The following EPHA3 variants were observed in gnomAD, a reference collection of about 807,000 sequenced individuals.
EPHA3 encodes ephrin type-A receptor 3.
A neutral mutation model predicts 107.1 loss-of-function variants in EPHA3; 42 were observed. The ratio of observed to expected loss-of-function variants is 0.39; its 90% CI spans 0.31 to 0.51. The LOEUF is 0.51. EPHA3 is among the 20% of genes least tolerant of loss of function. EPHA3 has a pLI of 0.78. For synonymous variants in EPHA3, 461 were observed against 424.8 expected (o/e 1.09, Z -1.05); for missense variants, 1,183 against 1,211.2 (o/e 0.98, Z 0.35).
chr3:89,107,716 T>TA lies in EPHA3; in HGVS notation c.-32dup, dbSNP rs746649435. ...ACATCAGTGGCATGCTTCATGGAGA[T>TA]ATGCTCCTCTCACTGCCCTCTGCAC... On this transcript the variant is annotated 5_prime_UTR_variant, in exon 1 of 17. The change creates a new upstream start codon in the 5' untranslated region. Coordinates refer to ENST00000336596, the MANE Select transcript of EPHA3 (RefSeq NM_005233.6). The TA allele has an allele frequency of 3.2e-6, 5 of 1,586,660 alleles. No homozygotes were observed. In the East Asian group the frequency reaches 1.1e-4, roughly 35 times the overall value.
rs141613520 is a variant in EPHA3, at chr3:89,210,051, T to G, written c.345T>G (p.Thr115=). 4.3e-6 allele frequency: 7 copies of G among 1,614,012 alleles called. No homozygotes were observed. In the East Asian group the frequency reaches 1.6e-4, roughly 36 times the overall value. ...ATAGCATTCCATTGGTTTTAGGAAC[T>G]TGCAAGGAGACATTCAACCTGTACT... ...DCNSIPLVLG[T]CKETFNLYYM... is the part of the protein sequence containing the mutation. The change falls in exon 3 of 17, where the codon ACT becomes ACG. Residue 115 remains threonine, a synonymous_variant. Transcript: ENST00000336596.
At chr3:89,366,243 C>G (rs1160359647) in intron 5 of EPHA3, among the ~76,000 whole-genome samples, 2 of 150,554 alleles carry the variant, frequency 1.3e-5, no homozygotes, top group African/African-American at 2.4e-5. Context: ...CCAGAACCAA[C>G]TCAGCATCAA....
intron 5 of EPHA3, among the ~76,000 whole-genome samples, chr3:89,355,368 G>A (rs1393767809): frequency 6.6e-6 from 1 of 151,198 alleles, no homozygotes; most frequent in Non-Finnish European, 1.5e-5. Flanking sequence ...CTAAGTTAAT[G>A]CACATTGTAT....
intron 2 of EPHA3, among the ~76,000 whole-genome samples, chr3:89,179,962 A>G (rs1340433352): frequency 6.6e-6 from 1 of 151,942 alleles, no homozygotes; most frequent in Admixed American, 6.6e-5. Flanking sequence ...TTAGAGGCTA[A>G]GTAATTTAAA....
At chr3:89,231,154 T>C (rs578238577) in intron 3 of EPHA3, among the ~76,000 whole-genome samples, 1 of 152,282 alleles carries the variant, frequency 6.6e-6, no homozygotes, top group East Asian at 1.9e-4. Flanking sequence ...GATAAGTTTA[T>C]TGACACAATT....
chr3:89,138,748 G>A (rs1386608248), intron 2 of EPHA3, among the ~76,000 whole-genome samples: 1 of 151,968 alleles, frequency 6.6e-6, no homozygotes, highest in African/African-American at 2.4e-5. Context: ...TGAGGATTTA[G>A]CATCAAGTAG....
intron 2 of EPHA3, among the ~76,000 whole-genome samples, chr3:89,185,446 T>A (rs1442903631): frequency 6.6e-6 from 1 of 152,014 alleles, no homozygotes; most frequent in Non-Finnish European, 1.5e-5. Context: ...AGAGAATAGA[T>A]CTCAGGAAAG....
intron 3 of EPHA3, among the ~76,000 whole-genome samples, chr3:89,311,091 G>T (rs1175814398): frequency 1.3e-5 from 2 of 151,902 alleles, no homozygotes; most frequent in Non-Finnish European, 2.9e-5. Context: ...GCGATACCTG[G>T]CAAACAGTAA....
chr3:89,298,820 G>A (rs1706420552), intron 3 of EPHA3, among the ~76,000 whole-genome samples: 1 of 151,976 alleles, frequency 6.6e-6, no homozygotes, highest in South Asian at 2.1e-4. Flanking sequence ...ATGATTAACT[G>A]TCAAATTAAA....
intron 15 of EPHA3, among the ~76,000 whole-genome samples, chr3:89,460,202 A>G (rs1004466344): frequency 2.0e-5 from 3 of 152,124 alleles, no homozygotes; most frequent in Admixed American, 2.0e-4. Flanking sequence ...TAGAGAAATA[A>G]TTTCTTCTTA....
intron 2 of EPHA3, among the ~76,000 whole-genome samples, chr3:89,175,069 A>AT (rs11425521): frequency 0.032 from 4,484 of 138,606 alleles, 145 homozygotes; most frequent in African/African-American, 0.085. Flanking sequence ...AAGTGATAGC[A>AT]TTTTTTTTTT....
chr3:89,109,982 A>C (rs1265822393), intron 1 of EPHA3, among the ~76,000 whole-genome samples: 1 of 152,012 alleles, frequency 6.6e-6, no homozygotes, highest in Non-Finnish European at 1.5e-5. Flanking sequence ...CTGGGCTCTC[A>C]GTTGAGTTGA....
chr3:89,314,126 A>G (rs938843131), intron 3 of EPHA3, among the ~76,000 whole-genome samples: 5 of 151,906 alleles, frequency 3.3e-5, no homozygotes, highest in African/African-American at 1.2e-4. Flanking sequence ...TTTTCACAGA[A>G]GTCAAATATG....
chr3:89,231,359 T>C (rs1704630449), intron 3 of EPHA3, among the ~76,000 whole-genome samples: 1 of 152,272 alleles, frequency 6.6e-6, no homozygotes, highest in South Asian at 2.1e-4. Flanking sequence ...TATGTATGTA[T>C]CTAAATATGT....
At chr3:89,327,000 C>G (rs573684830) in intron 3 of EPHA3, among the ~76,000 whole-genome samples, 252 of 152,132 alleles carry the variant, frequency 1.7e-3, no homozygotes, top group South Asian at 7.3e-3. Flanking sequence ...AAAGAGGCCT[C>G]CATTCTTCCC....
chr3:89,359,305 A>C (rs188714804), intron 5 of EPHA3, among the ~76,000 whole-genome samples: 2 of 151,032 alleles, frequency 1.3e-5, no homozygotes, highest in Non-Finnish European at 3.0e-5. Flanking sequence ...ATATTTGTTA[A>C]GACATACATG....
chr3:89,220,967 A>G (rs1220174373), intron 3 of EPHA3, among the ~76,000 whole-genome samples: 1 of 152,190 alleles, frequency 6.6e-6, no homozygotes, highest in Non-Finnish European at 1.5e-5. Context: ...TCATGTCTCC[A>G]TTTTGCGTGA....
intron 15 of EPHA3, among the ~76,000 whole-genome samples, chr3:89,456,632 C>A (rs1438848572): frequency 2.0e-5 from 3 of 152,038 alleles, no homozygotes; most frequent in African/African-American, 7.2e-5. Context: ...AATATCGTCA[C>A]TGGAAGTGGG....
intron 9 of EPHA3, among the ~76,000 whole-genome samples, chr3:89,409,504 C>T (rs1488354781): frequency 6.6e-6 from 1 of 151,830 alleles, no homozygotes; most frequent in African/African-American, 2.4e-5. Flanking sequence ...TTTCTGTGTG[C>T]CAATTATTAA....
Sources: gnomAD v4.1 joint callset for allele counts (sites outside exome capture counted in the v4.1 genomes callset) on GRCh38, gnomAD v4.1.1 for gene constraint, MANE v1.5 for transcripts, NCBI Gene and HGNC (gene_info 2026-07-23, HGNC 2026-07-21) for gene names.